NUS1: variants seen among roughly 807,000 people sequenced by gnomAD.
NUS1 encodes NUS1 dehydrodolichyl diphosphate synthase subunit, also known as dehydrodolichyl diphosphate synthase complex subunit NUS1.
For missense variants in NUS1, 292 were observed against 382.9 expected, an observed-to-expected ratio of 0.76 and a Z score of 1.98; for synonymous variants, 135 against 155.2, an observed-to-expected ratio of 0.87 and a Z score of 0.97.
At chr6:117,706,872 C>A in intron 4 of NUS1, 53 bp from the exon 5 acceptor site, 1 of 1,403,554 alleles carries the variant, frequency 7.1e-7, no homozygotes, top group South Asian at 1.2e-5. Flanking sequence ...TGGTTCCCCC[C>A]TACATTACAG....
intron 3 of NUS1, among the ~76,000 whole-genome samples, chr6:117,700,576 C>G (rs1161536187): frequency 1.3e-5 from 2 of 152,118 alleles, no homozygotes; most frequent in African/African-American, 4.8e-5. Flanking sequence ...GGAGGTTTCT[C>G]TAAAAACTAA....
At chr6:117,688,679 G>T (rs970427039) in intron 1 of NUS1, among the ~76,000 whole-genome samples, 4 of 152,110 alleles carry the variant, frequency 2.6e-5, no homozygotes, top group Admixed American at 2.0e-4. Context: ...AGCCGCCAAG[G>T]TTTGGCTTTG....
rs761121795 is a variant in NUS1, at chr6:117,675,844, G to A, written c.174G>A (p.Lys58=). The change falls in exon 1 of 5, where the codon AAG becomes AAA. Residue 58 remains lysine (K), a synonymous_variant. Coordinates refer to ENST00000368494, the MANE Select transcript of NUS1 (RefSeq NM_138459.5). ...VLAPLGFTLR[K]PPAVGRNRRH... ...CGCCGCTCGGCTTCACGCTCCGCAAGCCCCCGGCAGTCGGCAGGAACCGCC... is the reference window on the plus strand; with the variant it reads ...CGCCGCTCGGCTTCACGCTCCGCAAACCCCCGGCAGTCGGCAGGAACCGCC... 1.3e-6 allele frequency: 2 copies of A among 1,540,680 alleles called. No homozygotes were observed. The highest frequency in any genetic ancestry group is 2.0e-5 in the Admixed American group (1 of 50,124).
rs144573605 is a variant in NUS1, at chr6:117,702,477, G to T, written c.692-1128G>T. Reference sequence around the variant, plus strand: ...TACTGAAAGCTCTAGCTTTTTTTTTGTTGTTTTCTTTAAGAATAATTGTCC... The same window carrying T: ...TACTGAAAGCTCTAGCTTTTTTTTTTTTGTTTTCTTTAAGAATAATTGTCC... On this transcript the variant is annotated intron_variant, in intron 3 of 4. Coordinates refer to ENST00000368494, the MANE Select transcript of NUS1 (RefSeq NM_138459.5). 2.1e-3 allele frequency among the ~76,000 whole-genome samples: 317 copies of T among 151,734 alleles called. 4 individuals are homozygous for T. Among genetic ancestry groups the T allele is most frequent in the African/African-American group, 6.9e-3 (287 of 41,386 alleles).
chr6:117,707,933 A>C lies in NUS1; in HGVS notation c.*918A>C, dbSNP rs1226217429. 1 of 152,290 alleles carries C rather than the reference A, an allele frequency of 6.6e-6. No individual in the cohort carries two copies. The highest frequency in any genetic ancestry group is 2.1e-4 in the South Asian group (1 of 4,834). 9.4% of individuals were successfully genotyped at this position (152,290 alleles called of 1,614,324 possible). A position where few individuals can be genotyped will look rare whatever the true frequency, so the allele number is the denominator to read the frequency against. ...TTATTTCCTTTTTTGTTTGATGGGC[A>C]GTATGCCATATTATACCCAAAGTTC... On this transcript the variant is annotated 3_prime_UTR_variant, in exon 5 of 5. Coordinates refer to ENST00000368494, the MANE Select transcript of NUS1 (RefSeq NM_138459.5).
chr6:117,707,106 C>G lies in NUS1; in HGVS notation c.*91C>G. 2 of 1,062,018 alleles carry G rather than the reference C, an allele frequency of 1.9e-6. No homozygotes were observed. Among genetic ancestry groups the G allele is most frequent in the Non-Finnish European group, 2.9e-6 (2 of 689,738 alleles). The allele number at this position is 1,062,018 out of a possible 1,614,324, so 65.8% of individuals were successfully genotyped here. On this transcript the variant is annotated 3_prime_UTR_variant, in exon 5 of 5. Coordinates refer to ENST00000368494, the MANE Select transcript of NUS1 (RefSeq NM_138459.5). ...TACAAAGCACCTATGAAACCCTGTA[C>G]ACACCTAGTTCATAATCCTCATAAT...
chr6:117,687,784 G>A (rs981731759), intron 1 of NUS1, among the ~76,000 whole-genome samples: 3 of 152,174 alleles, frequency 2.0e-5, no homozygotes, highest in Non-Finnish European at 2.9e-5. Context: ...TGAGCAGTTC[G>A]TTCTTAATAC....
At chr6:117,698,971 C>A (rs1022493568) in intron 3 of NUS1, among the ~76,000 whole-genome samples, 5 of 151,998 alleles carry the variant, frequency 3.3e-5, no homozygotes, top group Admixed American at 2.0e-4. Context: ...ATGATAAAAA[C>A]CCTAAAAAAT....
rs568916715 is a variant in NUS1 at position 117,675,739 on chromosome 6, C to T, written c.69C>T (p.Thr23=). ...HALLCLHRTL[T]SWLRVRFGTW... is the part of the protein sequence containing the mutation. ...TGCTCTGTCTGCACCGCACGCTCAC[C>T]TCCTGGCTCCGCGTTCGGTTCGGCA... Residue 23 remains threonine, a synonymous_variant, in exon 1 of 5, where the codon ACC becomes ACT. Transcript: ENST00000368494. 4 of 1,543,660 alleles carry T rather than the reference C, an allele frequency of 2.6e-6. No homozygotes were observed. Among genetic ancestry groups the T allele is most frequent in the African/African-American group, 1.4e-5 (1 of 73,464 alleles).
chr6:117,686,771 A>G (rs576414846), intron 1 of NUS1, among the ~76,000 whole-genome samples: 5 of 152,048 alleles, frequency 3.3e-5, no homozygotes, highest in Non-Finnish European at 5.9e-5. Context: ...TACATATACT[A>G]TGATATTACT....
chr6:117,684,096 T>C (rs185029806), intron 1 of NUS1, among the ~76,000 whole-genome samples: 2 of 152,360 alleles, frequency 1.3e-5, no homozygotes, highest in East Asian at 1.9e-4. Context: ...GAGCTGTATG[T>C]ATGCCTTTGT....
chr6:117,704,023 G>T (rs546766539), intron 4 of NUS1, among the ~76,000 whole-genome samples: 1 of 152,214 alleles, frequency 6.6e-6, no homozygotes, highest in East Asian at 1.9e-4. Context: ...GCGAGAAGGG[G>T]GGAAAAAGAA....
chr6:117,675,716 C>G lies in NUS1; in HGVS notation c.46C>G (p.Leu16Val). The G allele has an allele frequency of 6.6e-7, 1 of 1,518,178 alleles. No homozygotes were observed. The highest frequency in any genetic ancestry group is 8.8e-7 in the Non-Finnish European group (1 of 1,130,382). 94.0% of individuals were successfully genotyped at this position (1,518,178 alleles called of 1,614,324 possible). ...ELVWRVLHAL[L>V]CLHRTLTSWL... ...GGTGTGGCGGGTGCTGCACGCGCTGCTCTGTCTGCACCGCACGCTCACCTC... is the reference window on the plus strand; with the variant it reads ...GGTGTGGCGGGTGCTGCACGCGCTGGTCTGTCTGCACCGCACGCTCACCTC... The change falls in exon 1 of 5, where the codon CTC becomes GTC. Residue 16 changes from leucine to valine, a missense_variant. Transcript: ENST00000368494.
rs1347390475 is a variant in NUS1 at position 117,675,600 on chromosome 6, G to A, written c.-71G>A. 4.2e-6 allele frequency: 6 copies of A among 1,431,736 alleles called. No homozygotes were observed. The highest frequency in any genetic ancestry group is 5.7e-6 in the Non-Finnish European group (6 of 1,057,862). The allele number at this position is 1,431,736 out of a possible 1,614,324, so 88.7% of individuals were successfully genotyped here. A position where few individuals can be genotyped will look rare whatever the true frequency, so the allele number is the denominator to read the frequency against. ...GAGCGATGGCCCGCGCCGGCCGCAG[G>A]GGCGGATAAAAAGCCGTCGCGCTGC... is the stretch of plus-strand genomic sequence containing the variant. On this transcript the variant is annotated 5_prime_UTR_variant, in exon 1 of 5. Transcript: ENST00000368494.
intron 1 of NUS1, among the ~76,000 whole-genome samples, chr6:117,678,703 C>T (rs1460420986): frequency 9.3e-6 from 1 of 107,926 alleles, no homozygotes; most frequent in Non-Finnish European, 1.7e-5. Flanking sequence ...TTTTTTGAGA[C>T]GGAGTCTCGC....
chr6:117,691,347 A>G (rs910404378), intron 1 of NUS1, among the ~76,000 whole-genome samples: 1 of 151,886 alleles, frequency 6.6e-6, no homozygotes, highest in Admixed American at 6.6e-5. Context: ...TTTTTTTAAC[A>G]TTCCGAACTC....
At position 117,708,855 on chromosome 6, in the gene NUS1, A is replaced by G. The variant is rs1348600168; in HGVS notation, c.*1840A>G. ...GTATAGCTTTAATGAATGAAATTTA[A>G]TGGACCTGATTAAAATGAAGGGATT... On this transcript the variant is annotated 3_prime_UTR_variant, in exon 5 of 5. Coordinates refer to ENST00000368494, the MANE Select transcript of NUS1 (RefSeq NM_138459.5). The G allele has an allele frequency of 2.0e-5, 3 of 152,090 alleles. No homozygotes were observed. The highest frequency in any genetic ancestry group is 4.4e-5 in the Non-Finnish European group (3 of 67,948). 9.4% of individuals were successfully genotyped at this position (152,090 alleles called of 1,614,324 possible). A position where few individuals can be genotyped will look rare whatever the true frequency, so the allele number is the denominator to read the frequency against.
At chr6:117,690,299 C>A (rs181760982) in intron 1 of NUS1, among the ~76,000 whole-genome samples, 2 of 148,242 alleles carry the variant, frequency 1.3e-5, no homozygotes, top group African/African-American at 5.2e-5. Flanking sequence ...GGCATTCATA[C>A]GTAGTGCCAT....
At chr6:117,678,711 C>T (rs1368504952) in intron 1 of NUS1, among the ~76,000 whole-genome samples, 3 of 134,408 alleles carry the variant, frequency 2.2e-5, no homozygotes, top group African/African-American at 5.8e-5. Context: ...GACGGAGTCT[C>T]GCTCTGTCAC....
Sources: allele counts gnomAD v4.1 joint callset (sites outside exome capture counted in the v4.1 genomes callset), GRCh38; gene constraint gnomAD v4.1.1; transcripts MANE v1.5; gene names NCBI Gene and HGNC (gene_info 2026-07-23, HGNC 2026-07-21).